The following EFNA5 variants were observed in gnomAD, a reference collection of about 807,000 sequenced individuals.
EFNA5 encodes the protein ephrin-A5.
In EFNA5, 5 loss-of-function variants were observed where a neutral mutation model predicts 22.9. The observed-to-expected ratio is 0.22, with a 90% CI of 0.11 to 0.46. The LOEUF is 0.46. Ranked by LOEUF, EFNA5 falls within the 20% of genes least tolerant of loss-of-function variation. EFNA5 has a pLI of 0.99. For synonymous variants in EFNA5, 113 were observed against 112.2 expected, an observed-to-expected ratio of 1.01 and a Z score of -0.04; for missense variants, 237 against 293.3, an observed-to-expected ratio of 0.81 and a Z score of 1.40.
intron 1 of EFNA5, among the ~76,000 whole-genome samples, chr5:107,614,540 T>C (rs528804111): frequency 2.2e-3 from 336 of 152,270 alleles, no homozygotes; most frequent in Non-Finnish European, 2.5e-3. Context: ...CCATTTGTCA[T>C]GTGTCCATTT....
chr5:107,444,977 T>A (rs1043909536), intron 1 of EFNA5, among the ~76,000 whole-genome samples: 10 of 152,126 alleles, frequency 6.6e-5, no homozygotes, highest in Admixed American at 6.6e-5. Flanking sequence ...TAATATTAAG[T>A]GACATAAAAG....
chr5:107,646,338 A>G (rs551308152), intron 1 of EFNA5, among the ~76,000 whole-genome samples: 3 of 152,294 alleles, frequency 2.0e-5, no homozygotes, highest in East Asian at 3.9e-4. Context: ...CATGTCGTAC[A>G]TCTTATATAC....
At chr5:107,670,360 G>A in intron 1 of EFNA5, 129 bp downstream of exon 1, 7 of 1,255,572 alleles carry the variant, frequency 5.6e-6, no homozygotes, top group Non-Finnish European at 7.3e-6. Context: ...CAAGCCATCA[G>A]CGCCCGGGCG....
chr5:107,492,871 C>T (rs1746851340), intron 1 of EFNA5, among the ~76,000 whole-genome samples: 1 of 151,822 alleles, frequency 6.6e-6, no homozygotes, highest in Admixed American at 6.6e-5. Context: ...TGGTGGCGGG[C>T]ACCTGTAATC....
Position 107,592,688 on chromosome 5 carries a change from A to G in EFNA5, c.125+77801T>C, listed in dbSNP as rs551778774. Among the ~76,000 whole-genome samples, 326 of 152,264 alleles carry G rather than the reference A, an allele frequency of 2.1e-3. 1 individual carries two copies. Among genetic ancestry groups the G allele is most frequent in the Non-Finnish European group, 3.8e-3 (257 of 68,016 alleles). ...GGGACAGGCTCTTCAGAAAAGGAGG[A>G]TCCTGGAGCTGGAATAGGACCTTTT... On this transcript the variant is annotated intron_variant, in intron 1 of 4. Transcript: ENST00000333274.
chr5:107,661,937 T>C (rs1241202325), intron 1 of EFNA5, among the ~76,000 whole-genome samples: 2 of 152,178 alleles, frequency 1.3e-5, no homozygotes, highest in African/African-American at 4.8e-5. Context: ...AAAAATACTT[T>C]CATTTACTTT....
intron 1 of EFNA5, among the ~76,000 whole-genome samples, chr5:107,475,564 C>T (rs1282174982): frequency 6.6e-6 from 1 of 152,120 alleles, no homozygotes; most frequent in East Asian, 1.9e-4. Context: ...CTTTCAGTAG[C>T]ACAATATTTT....
intron 1 of EFNA5, among the ~76,000 whole-genome samples, chr5:107,633,994 G>A (rs532247571): frequency 6.6e-6 from 1 of 152,276 alleles, no homozygotes; most frequent in Admixed American, 6.5e-5. Context: ...GATTTTAAGA[G>A]AAAAGACATA....
intron 1 of EFNA5, among the ~76,000 whole-genome samples, chr5:107,473,378 T>C (rs1313204643): frequency 2.0e-5 from 3 of 151,956 alleles, no homozygotes; most frequent in Non-Finnish European, 2.9e-5. Flanking sequence ...CTAAACATGA[T>C]AGCAGCCAGC....
At chr5:107,512,576 G>C (rs1397421902) in intron 1 of EFNA5, among the ~76,000 whole-genome samples, 1 of 152,034 alleles carries the variant, frequency 6.6e-6, no homozygotes, top group African/African-American at 2.4e-5. Context: ...CTGATTTCCA[G>C]TGATTATTGC....
intron 1 of EFNA5, among the ~76,000 whole-genome samples, chr5:107,518,085 C>T (rs980934094): frequency 1.8e-4 from 27 of 151,984 alleles, no homozygotes; most frequent in African/African-American, 6.3e-4. Flanking sequence ...AATTAGCAAG[C>T]CCCAGAGACT....
intron 1 of EFNA5, among the ~76,000 whole-genome samples, chr5:107,593,214 A>C (rs1364024393): frequency 1.3e-5 from 2 of 152,168 alleles, no homozygotes; most frequent in African/African-American, 4.8e-5. Flanking sequence ...CTCGACCCTT[A>C]TGTGCACTCC....
chr5:107,544,778 T>C (rs1183564857), intron 1 of EFNA5, among the ~76,000 whole-genome samples: 1 of 152,210 alleles, frequency 6.6e-6, no homozygotes, highest in Non-Finnish European at 1.5e-5. Flanking sequence ...ACACAGAATG[T>C]CTTATTCCAA....
At chr5:107,585,152 G>A (rs989171952) in intron 1 of EFNA5, among the ~76,000 whole-genome samples, 3 of 152,116 alleles carry the variant, frequency 2.0e-5, no homozygotes, top group African/African-American at 7.2e-5. Flanking sequence ...GGATAAAAGT[G>A]GAATAGGATT....
intron 1 of EFNA5, among the ~76,000 whole-genome samples, chr5:107,655,540 T>G (rs1053984786): frequency 6.6e-6 from 1 of 152,148 alleles, no homozygotes; most frequent in Non-Finnish European, 1.5e-5. Flanking sequence ...CATCACTAAA[T>G]TTCTGGGTAC....
chr5:107,469,437 A>G (rs1750079504), intron 1 of EFNA5, among the ~76,000 whole-genome samples: 1 of 151,950 alleles, frequency 6.6e-6, no homozygotes, highest in Non-Finnish European at 1.5e-5. Flanking sequence ...AAAATATTTC[A>G]GTTTCCTGCT....
chr5:107,440,587 C>T (rs1229176170), intron 1 of EFNA5, among the ~76,000 whole-genome samples: 1 of 152,184 alleles, frequency 6.6e-6, no homozygotes, highest in African/African-American at 2.4e-5. Context: ...GAAAACTCAG[C>T]ACTGTCAGCT....
chr5:107,554,810 C>T (rs1748373602), intron 1 of EFNA5, among the ~76,000 whole-genome samples: 1 of 152,146 alleles, frequency 6.6e-6, no homozygotes, highest in East Asian at 1.9e-4. Flanking sequence ...GGCTATGTAC[C>T]TTGGCCAAGG....
chr5:107,515,357 T>TA (rs1747454364), intron 1 of EFNA5, among the ~76,000 whole-genome samples: 1 of 123,110 alleles, frequency 8.1e-6, no homozygotes, highest in African/African-American at 3.3e-5. Flanking sequence ...GTTTTTATTT[T>TA]TTATTTTATT....
Sources: allele counts gnomAD v4.1 joint callset (sites outside exome capture counted in the v4.1 genomes callset), GRCh38; gene constraint gnomAD v4.1.1; transcripts MANE v1.5; gene names NCBI Gene and HGNC (gene_info 2026-07-23, HGNC 2026-07-21).